ATP2B1: variants seen among roughly 807,000 people sequenced by gnomAD.
The protein encoded by ATP2B1 is ATPase plasma membrane Ca2+ transporting 1, also known as plasma membrane calcium-transporting ATPase 1.
A neutral mutation model predicts 124.2 loss-of-function variants in ATP2B1; 14 were observed. That is an observed-to-expected ratio of 0.11 (90% confidence interval 0.07 to 0.18). ATP2B1 has a LOEUF of 0.18. Ranked by LOEUF, ATP2B1 falls within the 10% of genes least tolerant of loss-of-function variation. The probability of loss-of-function intolerance (pLI) is 1.00; values close to 1 mark genes in which losing one functional copy is unlikely to be tolerated. For synonymous variants in ATP2B1, 449 were observed against 492.4 expected, an observed-to-expected ratio of 0.91 and a Z score of 1.17; for missense variants, 763 against 1,466.1, an observed-to-expected ratio of 0.52 and a Z score of 7.83.
chr12:89,601,492 T>TA, intron 18 of ATP2B1, 59 bp from the exon 19 acceptor site: 4 of 1,046,984 alleles, frequency 3.8e-6, no homozygotes, highest in Non-Finnish European at 4.1e-6. Flanking sequence ...TTCATATACT[T>TA]AAAAAAATAT....
intron 3 of ATP2B1, among the ~76,000 whole-genome samples, chr12:89,636,606 G>A (rs1322624015): frequency 2.0e-5 from 3 of 152,148 alleles, no homozygotes; most frequent in African/African-American, 7.2e-5. Context: ...TGACTAAAGC[G>A]TGTTCTAGCA....
intron 1 of ATP2B1, among the ~76,000 whole-genome samples, chr12:89,662,903 T>A (rs868605384): frequency 1.1e-4 from 16 of 152,054 alleles, no homozygotes; most frequent in Middle Eastern, 3.2e-3. Context: ...TCTCTCAGGG[T>A]GGGAAACAAC....
At chr12:89,644,254 G>A (rs1884101520) in intron 2 of ATP2B1, among the ~76,000 whole-genome samples, 1 of 152,098 alleles carries the variant, frequency 6.6e-6, no homozygotes, top group South Asian at 2.1e-4. Flanking sequence ...TATTCCAAGA[G>A]AACATCAAAG....
In ATP2B1 at chr12:89,634,856, T is replaced by G; in HGVS notation, c.709A>C (p.Lys237Gln). ...DGILIQGNDLKIDESSLTGES... is the reference protein window; with the variant it reads ...DGILIQGNDLQIDESSLTGES... ...CCAGTCAATGAGCTTTCATCAATTT[T>G]AAGATCGTTGCCTTGAATAAGTATG... is the stretch of plus-strand genomic sequence containing the variant. Residue 237 changes from lysine (K) to glutamine (Q), a missense_variant, in exon 5 of 21, where the codon AAA becomes CAA. This residue lies in a region of ATP2B1 where 392 missense variants were observed against 776.6 expected (regional missense o/e 0.50). Coordinates refer to ENST00000428670, the MANE Select transcript of ATP2B1 (RefSeq NM_001366521.1). 6.2e-7 allele frequency: 1 copy of G among 1,613,296 alleles called. No homozygotes were observed. The highest frequency in any genetic ancestry group is 8.5e-7 in the Non-Finnish European group (1 of 1,179,608).
chr12:89,625,085 A>C (rs1212357738), intron 8 of ATP2B1, among the ~76,000 whole-genome samples: 2 of 150,924 alleles, frequency 1.3e-5, no homozygotes, highest in Non-Finnish European at 3.0e-5. Flanking sequence ...CCAGCCAAAC[A>C]TGGTGAAACC....
rs1481134597 is a variant in ATP2B1, at chr12:89,610,512, T to C, written c.2248-4A>G. ...TGTCTATCCTCTCTTGCTCAATCTA[T>C]AAGTGTTTATCAAAGTTAAAATATG... On this transcript the variant is annotated splice_region_variant and splice_polypyrimidine_tract_variant and intron_variant, in intron 13 of 20. Transcript: ENST00000428670. 3 of 1,611,658 alleles carry C rather than the reference T, an allele frequency of 1.9e-6. No individual in the cohort carries two copies. Among genetic ancestry groups the C allele is most frequent in the East Asian group, 2.2e-5 (1 of 44,840 alleles).
chr12:89,611,806 A>AT (rs1878070316), intron 12 of ATP2B1: 1 of 153,920 alleles, frequency 6.5e-6, no homozygotes, highest in South Asian at 2.1e-4. Context: ...TACCTTACCT[A>AT]TTCCCATACC....
chr12:89,654,519 G>A (rs1284800522), intron 2 of ATP2B1, among the ~76,000 whole-genome samples: 1 of 152,156 alleles, frequency 6.6e-6, no homozygotes, highest in Non-Finnish European at 1.5e-5. Context: ...GTCTAAAGAA[G>A]CCCTGTTGGG....
rs77518567 is a variant in ATP2B1, at chr12:89,648,286, T to C, written c.209-5931A>G. 5.9e-3 allele frequency among the ~76,000 whole-genome samples: 899 copies of C among 152,262 alleles called. 4 individuals are homozygous for C. The highest frequency in any genetic ancestry group is 8.3e-3 in the South Asian group (40 of 4,830). ...TAAACGGTTCTGACCAAAATGCTGA[T>C]AGAGATATAAACACTGAAGTCCAAG... On this transcript the variant is annotated intron_variant, in intron 2 of 20. Coordinates refer to ENST00000428670, the MANE Select transcript of ATP2B1 (RefSeq NM_001366521.1).
intron 1 of ATP2B1, among the ~76,000 whole-genome samples, chr12:89,699,583 T>G (rs1356036506): frequency 1.3e-5 from 2 of 152,176 alleles, no homozygotes; most frequent in African/African-American, 4.8e-5. Context: ...CCCCTGACTT[T>G]GTACTTTTTG....
At chr12:89,698,196 T>C (rs970166187) in intron 1 of ATP2B1, among the ~76,000 whole-genome samples, 2 of 152,096 alleles carry the variant, frequency 1.3e-5, no homozygotes, top group Admixed American at 6.5e-5. Context: ...CAAGAACATA[T>C]AAAGAAATTA....
chr12:89,622,240 C>A (rs572836808), intron 9 of ATP2B1, among the ~76,000 whole-genome samples: 74 of 151,422 alleles, frequency 4.9e-4, no homozygotes, highest in Non-Finnish European at 3.0e-4. Flanking sequence ...ACATCAGTGC[C>A]AAGGAAAAAA....
intron 1 of ATP2B1, among the ~76,000 whole-genome samples, chr12:89,658,598 GGA>G (rs67298800): frequency 0.13 from 9,298 of 69,258 alleles, 356 homozygotes; most frequent in Non-Finnish European, 0.16. Flanking sequence ...AATTCAAACA[GGA>G]GAGAGAGAGA....
At chr12:89,656,904 C>G (rs1375400365) in intron 1 of ATP2B1, among the ~76,000 whole-genome samples, 4 of 152,134 alleles carry the variant, frequency 2.6e-5, no homozygotes, top group Non-Finnish European at 5.9e-5. Flanking sequence ...CAGAGTTTGC[C>G]CATTACTACA....
chr12:89,667,272 TC>T (rs1565892638), intron 1 of ATP2B1, among the ~76,000 whole-genome samples: 1 of 152,186 alleles, frequency 6.6e-6, no homozygotes, highest in East Asian at 1.9e-4. Context: ...TCCTCTTAAT[TC>T]TGTGTCACTT....
chr12:89,658,486 C>A (rs1264099511), intron 1 of ATP2B1, among the ~76,000 whole-genome samples: 4 of 152,092 alleles, frequency 2.6e-5, no homozygotes, highest in African/African-American at 9.7e-5. Context: ...TGTTGTCACA[C>A]AAAAACCAAG....
At chr12:89,631,920 C>T (rs1381738003) in intron 5 of ATP2B1, among the ~76,000 whole-genome samples, 2 of 151,896 alleles carry the variant, frequency 1.3e-5, no homozygotes, top group Non-Finnish European at 2.9e-5. Context: ...TGCGAGTCAC[C>T]GTGCTCGGCC....
intron 1 of ATP2B1, among the ~76,000 whole-genome samples, chr12:89,677,997 CACACACACACACACACACACAT>C (rs1888878673): frequency 1.6e-5 from 2 of 125,322 alleles, no homozygotes; most frequent in African/African-American, 6.0e-5. Flanking sequence ...CACACACACA[CACACACACACACACACACACAT>C]ATACAGAATG....
chr12:89,605,191 C>T (rs539174730), intron 15 of ATP2B1, among the ~76,000 whole-genome samples: 1 of 152,084 alleles, frequency 6.6e-6, no homozygotes, highest in African/African-American at 2.4e-5. Flanking sequence ...TGCAGAGAGA[C>T]AAGGCAGTAA....
Sources: gnomAD v4.1 joint callset for allele counts (sites outside exome capture counted in the v4.1 genomes callset) on GRCh38, gnomAD v4.1.1 for gene constraint, gnomAD v4.1.1 regional missense constraint, MANE v1.5 for transcripts, NCBI Gene and HGNC (gene_info 2026-07-23, HGNC 2026-07-21) for gene names.